EAF1: variants seen among roughly 807,000 people sequenced by gnomAD.
The protein encoded by EAF1 is ELL associated factor 1, also known as ELL-associated factor 1.
A neutral mutation model predicts 26.6 loss-of-function variants in EAF1; 19 were observed. The ratio of observed to expected loss-of-function variants is 0.71; its 90% CI spans 0.50 to 1.05. The LOEUF (loss-of-function observed/expected upper bound fraction) is 1.05, where lower values mean the gene tolerates loss of function less well. EAF1 is among the 50% of genes least tolerant of loss of function. The pLI is 0.00. For synonymous variants in EAF1, 102 were observed against 120.6 expected (o/e 0.85, Z 1.01); for missense variants, 260 against 335.5 (o/e 0.78, Z 1.76).
chr3:15,437,549 T>C (rs1309403706), intron 5 of EAF1, among the ~76,000 whole-genome samples: 2 of 152,146 alleles, frequency 1.3e-5, no homozygotes, highest in East Asian at 3.9e-4. Context: ...ACTGCCGAAG[T>C]GCTGTGATTA....
chr3:15,429,775 AAC>A (rs1237113823), intron 1 of EAF1, 136 bp from the exon 2 acceptor site: 3 of 654,180 alleles, frequency 4.6e-6, no homozygotes, highest in African/African-American at 3.7e-5. Flanking sequence ...TCCATAACGA[AAC>A]AGTTTTTTAA....
chr3:15,436,164 G>C (rs2061833465), intron 4 of EAF1, 178 bp from the exon 5 acceptor site: 1 of 457,716 alleles, frequency 2.2e-6, no homozygotes, highest in East Asian at 3.1e-5. Flanking sequence ...CTGGAAACAG[G>C]CTGTGTTTTT....
In EAF1 at chr3:15,440,994, T is replaced by A. The variant is rs959042877; in HGVS notation, c.*1839T>A. The A allele has an allele frequency of 3.3e-5, 5 of 152,616 alleles. No homozygotes were observed. The highest frequency in any genetic ancestry group is 6.5e-5 in the Admixed American group (1 of 15,272). 9.5% of individuals were successfully genotyped at this position (152,616 alleles called of 1,614,324 possible). A position where few individuals can be genotyped will look rare whatever the true frequency, so the allele number is the denominator to read the frequency against. ...AAATATCTATTTAAGCCTCTCTCTC[T>A]TTCTCTCCTCCCCAACTTTTTTCTG... On this transcript the variant is annotated 3_prime_UTR_variant, in exon 6 of 6. Transcript: ENST00000396842.
intron 4 of EAF1, 197 bp from the exon 5 acceptor site, chr3:15,436,145 A>G (rs1575452676): frequency 2.3e-6 from 1 of 437,286 alleles, no homozygotes; most frequent in South Asian, 5.0e-5. Flanking sequence ...TAATGTTTCC[A>G]TTGTGTCTCT....
intron 2 of EAF1, 61 bp downstream of exon 2, chr3:15,430,068 T>C: frequency 8.3e-7 from 1 of 1,208,992 alleles, no homozygotes; most frequent in Non-Finnish European, 1.2e-6. Context: ...TCTTTTATAT[T>C]ATTGCAATTT....
Position 15,434,544 on chromosome 3 carries a change from G to T in EAF1, c.526+6G>T. The T allele has an allele frequency of 6.2e-7, 1 of 1,613,760 alleles. No homozygotes were observed. The highest frequency in any genetic ancestry group is 1.1e-5 in the South Asian group (1 of 91,040). On this transcript the variant is annotated splice_donor_region_variant and intron_variant, in intron 4 of 5. Coordinates refer to ENST00000396842, the MANE Select transcript of EAF1 (RefSeq NM_033083.7). ...GTTGGATGACATCAAAAGAGGTAGA[G>T]AACATTTTCTGGATCCATGATAGCA...
At chr3:15,434,869 G>A (rs2061825402) in intron 4 of EAF1, among the ~76,000 whole-genome samples, 2 of 152,308 alleles carry the variant, frequency 1.3e-5, no homozygotes, top group African/African-American at 2.4e-5. Flanking sequence ...AGGATTCTAG[G>A]TGTTGGAGGT....
At chr3:15,429,277 A>G (rs370479198) in intron 1 of EAF1, among the ~76,000 whole-genome samples, 1 of 152,202 alleles carries the variant, frequency 6.6e-6, no homozygotes, top group South Asian at 2.1e-4. Context: ...AGGTCGACAG[A>G]TAGCTTGAGC....
chr3:15,434,448 A>G lies in EAF1; in HGVS notation c.436A>G (p.Arg146Gly). 1 of 1,614,226 alleles carries G rather than the reference A, an allele frequency of 6.2e-7. No individual in the cohort carries two copies. Among genetic ancestry groups the G allele is most frequent in the Non-Finnish European group, 8.5e-7 (1 of 1,180,038 alleles). ...ACCACCTCCACCACCTATGCCATTC[A>G]GAGCTCCAACGAAGCCTCCAGTTGG... is the stretch of plus-strand genomic sequence containing the variant. ...PPPPPPPMPF[R>G]APTKPPVGPK... Residue 146 changes from arginine (R) to glycine (G), a missense_variant, in exon 4 of 6, where the codon AGA (arginine) becomes GGA (glycine). Transcript: ENST00000396842.
At position 15,439,299 on chromosome 3, in the gene EAF1, C is replaced by G. The variant is rs2061853106; in HGVS notation, c.*144C>G. On this transcript the variant is annotated 3_prime_UTR_variant, in exon 6 of 6. Coordinates refer to ENST00000396842, the MANE Select transcript of EAF1 (RefSeq NM_033083.7). The stretch of plus-strand genomic sequence containing the variant: ...TGAGGCTCTGGAACTCTCACATATT[C>G]AAGTCTTTAACTTAGTGGTGATGGG... 1.5e-6 allele frequency: 1 copy of G among 675,344 alleles called. No homozygotes were observed. 41.8% of individuals were successfully genotyped at this position (675,344 alleles called of 1,614,324 possible).
Position 15,436,553 on chromosome 3 carries a change from C to T in EAF1, c.738C>T (p.Ser246=), listed in dbSNP as rs542702975. 1 of 1,589,496 alleles carries T rather than the reference C, an allele frequency of 6.3e-7. No individual in the cohort carries two copies. The highest frequency in any genetic ancestry group is 1.3e-5 in the African/African-American group (1 of 74,674). ...ATGGAACCAGCCGGCCACAAGGAAG[C>T]AACCAGCTCATGAACACCCTCAGTA... ...VANGTSRPQG[S]NQLMNTLRND... The change falls in exon 5 of 6, where the codon AGC becomes AGT. Residue 246 remains serine (S), a synonymous_variant. Transcript: ENST00000396842.
At chr3:15,436,932 G>A (rs776159945) in intron 5 of EAF1, among the ~76,000 whole-genome samples, 1 of 152,176 alleles carries the variant, frequency 6.6e-6, no homozygotes, top group African/African-American at 2.4e-5. Context: ...GTCTCACTCT[G>A]TCGCCCAGGC....
intron 2 of EAF1, among the ~76,000 whole-genome samples, chr3:15,431,664 A>G (rs1434155616): frequency 6.6e-6 from 1 of 152,232 alleles, no homozygotes; most frequent in African/African-American, 2.4e-5. Flanking sequence ...GCCAACCAGG[A>G]TAATGACCTT....
At chr3:15,432,493 A>C (rs2061807587) in intron 3 of EAF1, among the ~76,000 whole-genome samples, 2 of 152,202 alleles carry the variant, frequency 1.3e-5, no homozygotes, top group African/African-American at 4.8e-5. Context: ...CTATTTTGTT[A>C]ATCTCATGAT....
rs1037448418 is a variant in EAF1, at chr3:15,441,799, A to C, written c.*2644A>C. 2.0e-5 allele frequency: 3 copies of C among 152,696 alleles called. No individual in the cohort carries two copies. Among genetic ancestry groups the C allele is most frequent in the Non-Finnish European group, 4.4e-5 (3 of 68,058 alleles). The allele number at this position is 152,696 out of a possible 1,614,324, so 9.5% of individuals were successfully genotyped here. On this transcript the variant is annotated 3_prime_UTR_variant, in exon 6 of 6. Coordinates refer to ENST00000396842, the MANE Select transcript of EAF1 (RefSeq NM_033083.7). ...AGAAGGCAGAGAAGACTACCCAGCC[A>C]GTGAAGTGCAGAGGATAGACATAGG...
chr3:15,430,065 T>C, intron 2 of EAF1, 58 bp downstream of exon 2: 1 of 1,235,398 alleles, frequency 8.1e-7, no homozygotes, highest in African/African-American at 1.6e-5. Context: ...TTGTCTTTTA[T>C]ATTATTGCAA....
chr3:15,435,130 AAT>A (rs2061827521), intron 4 of EAF1, among the ~76,000 whole-genome samples: 1 of 152,156 alleles, frequency 6.6e-6, no homozygotes. Context: ...ACCATAAGCA[AAT>A]GTCCTGTGCT....
At chr3:15,430,719 GAAGAACTAAATTGAAAGCTGGATT>G (rs1397066360) in intron 2 of EAF1, among the ~76,000 whole-genome samples, 4 of 152,288 alleles carry the variant, frequency 2.6e-5, no homozygotes, top group Admixed American at 2.0e-4. Flanking sequence ...ATTTAGGGAT[GAAGAACTAAATTGAAAGCTGGATT>G]AAGAACCCTT....
rs750301549 is a variant in EAF1, at chr3:15,427,643, G to T, written c.-137G>T. The T allele has an allele frequency of 7.0e-4, 601 of 855,514 alleles. 2 individuals carry two copies. The highest frequency in any genetic ancestry group is 1.0e-3 in the Non-Finnish European group (560 of 538,114). The allele number at this position is 855,514 out of a possible 1,614,324, so 53.0% of individuals were successfully genotyped here. The stretch of plus-strand genomic sequence containing the variant: ...GGAGAGAACTTGCTTCTGGACCCGG[G>T]TGGGTGCCGGCTCGGCTCTCCTTGT... On this transcript the variant is annotated 5_prime_UTR_variant, in exon 1 of 6. Transcript: ENST00000396842.
Sources: allele counts gnomAD v4.1 joint callset (sites outside exome capture counted in the v4.1 genomes callset), GRCh38; gene constraint gnomAD v4.1.1; transcripts MANE v1.5; gene names NCBI Gene and HGNC (gene_info 2026-07-23, HGNC 2026-07-21).